ARID5B: variants seen among roughly 807,000 people sequenced by gnomAD.
ARID5B encodes the protein AT-rich interaction domain 5B.
A neutral mutation model predicts 97.2 loss-of-function variants in ARID5B; 13 were observed. The ratio of observed to expected loss-of-function variants is 0.13; its 90% CI spans 0.09 to 0.21. The LOEUF (loss-of-function observed/expected upper bound fraction) is 0.21, where lower values mean the gene tolerates loss of function less well. ARID5B is among the 10% of genes least tolerant of loss of function. The probability of loss-of-function intolerance (pLI) is 1.00; values close to 1 mark genes in which losing one functional copy is unlikely to be tolerated. For synonymous variants in ARID5B, 556 were observed against 570.3 expected, an observed-to-expected ratio of 0.97 and a Z score of 0.36; for missense variants, 1,210 against 1,465.3, an observed-to-expected ratio of 0.83 and a Z score of 2.84.
At position 61,932,172 on chromosome 10, in the gene ARID5B, C is replaced by G. The variant is rs533506716; in HGVS notation, c.277-8011C>G. 2.4e-3 allele frequency among the ~76,000 whole-genome samples: 362 copies of G among 152,192 alleles called. 2 individuals carry two copies. The highest frequency in any genetic ancestry group is 3.8e-3 in the Non-Finnish European group (257 of 68,014). Reference sequence around the variant, plus strand: ...GCGCGTATAAAAGTTACATTTACACCATACTGTAGTCTGCTAAATGTGCGT... The same window carrying G: ...GCGCGTATAAAAGTTACATTTACACGATACTGTAGTCTGCTAAATGTGCGT... On this transcript the variant is annotated intron_variant, in intron 2 of 9. Transcript: ENST00000279873.
intron 3 of ARID5B, among the ~76,000 whole-genome samples, chr10:61,973,450 A>T (rs965271695): frequency 1.3e-5 from 2 of 152,222 alleles, no homozygotes; most frequent in African/African-American, 4.8e-5. Flanking sequence ...GGAAACATTC[A>T]TTCCACTATT....
At chr10:62,042,521 C>T (rs927530864) in intron 4 of ARID5B, among the ~76,000 whole-genome samples, 3 of 152,128 alleles carry the variant, frequency 2.0e-5, no homozygotes, top group Non-Finnish European at 2.9e-5. Context: ...AGACCCTTTG[C>T]GTGCAGTATC....
chr10:61,967,270 T>C (rs1186970175), intron 3 of ARID5B, among the ~76,000 whole-genome samples: 2 of 152,202 alleles, frequency 1.3e-5, no homozygotes, highest in African/African-American at 2.4e-5. Flanking sequence ...TGTTACCATA[T>C]TTCTACTTTA....
intron 2 of ARID5B, among the ~76,000 whole-genome samples, chr10:61,908,471 T>G (rs1273141399): frequency 1.3e-5 from 2 of 151,768 alleles, no homozygotes; most frequent in Non-Finnish European, 2.9e-5. Flanking sequence ...AGATGTTGAT[T>G]GAAAACCTAC....
intron 3 of ARID5B, among the ~76,000 whole-genome samples, chr10:61,989,846 A>G (rs547762568): frequency 5.9e-5 from 9 of 152,296 alleles, no homozygotes; most frequent in African/African-American, 2.2e-4. Context: ...TCAAAAGGCT[A>G]TGGCTTGAGG....
At chr10:62,043,298 T>G (rs190910142) in intron 4 of ARID5B, among the ~76,000 whole-genome samples, 9 of 152,346 alleles carry the variant, frequency 5.9e-5, no homozygotes, top group Non-Finnish European at 1.0e-4. Context: ...ATTTTCCCCT[T>G]GTTTCTCAAG....
chr10:62,083,113 A>G (rs946611677), intron 8 of ARID5B, among the ~76,000 whole-genome samples: 4 of 152,006 alleles, frequency 2.6e-5, no homozygotes, highest in African/African-American at 9.7e-5. Flanking sequence ...GAAGCCTTGA[A>G]CAAGTAGGGC....
intron 2 of ARID5B, among the ~76,000 whole-genome samples, chr10:61,921,323 C>T (rs74535682): frequency 0.018 from 2,752 of 152,270 alleles, 69 homozygotes; most frequent in African/African-American, 0.063. Context: ...AAGGTGTCCT[C>T]CCCAGCTGTG....
chr10:62,080,065 A>C (rs1052446962), intron 8 of ARID5B, among the ~76,000 whole-genome samples: 4 of 152,022 alleles, frequency 2.6e-5, no homozygotes, highest in Non-Finnish European at 5.9e-5. Context: ...TCTGTGTTGC[A>C]CTCTGCCGCC....
rs545463332 is a variant in ARID5B, at chr10:61,993,339, A to G, written c.503-6752A>G. On this transcript the variant is annotated intron_variant, in intron 3 of 9. Transcript: ENST00000279873. ...CACGAATTGATAAAGTTGATGTACAACTTTGGAATTTTAAACACTTTCAAC... is the reference window on the plus strand; with the variant it reads ...CACGAATTGATAAAGTTGATGTACAGCTTTGGAATTTTAAACACTTTCAAC... 7.1e-4 allele frequency among the ~76,000 whole-genome samples: 108 copies of G among 152,348 alleles called. 1 individual carries two copies. Among genetic ancestry groups the G allele is most frequent in the Admixed American group, 2.2e-3 (33 of 15,304 alleles).
chr10:62,092,642 G>A lies in ARID5B; in HGVS notation c.3179G>A (p.Gly1060Glu), dbSNP rs760529598. 3 of 1,613,986 alleles carry A rather than the reference G, an allele frequency of 1.9e-6. No homozygotes were observed. Among genetic ancestry groups the A allele is most frequent in the African/African-American group, 1.3e-5 (1 of 74,904 alleles). The change falls in exon 10 of 10, where the codon GGG (glycine) becomes GAG (glutamate). Residue 1060 changes from glycine (G) to glutamate (E), a missense_variant. Physicochemically the swap from Gly to Glu is moderately conservative, Grantham distance 98. This residue lies in a region of ARID5B where 800 missense variants were observed against 839.1 expected (regional missense o/e 0.95). Coordinates refer to ENST00000279873, the MANE Select transcript of ARID5B (RefSeq NM_032199.3). ...ESEGSKAAHG[G>E]HSGGGSEGHK... Reference sequence around the variant, plus strand: ...GAAGGCAGCAAAGCAGCGCACGGTGGGCATTCCGGGGGCGGATCAGAAGGC... The same window carrying A: ...GAAGGCAGCAAAGCAGCGCACGGTGAGCATTCCGGGGGCGGATCAGAAGGC...
At chr10:62,075,786 G>A (rs1042981704) in intron 8 of ARID5B, among the ~76,000 whole-genome samples, 2 of 152,180 alleles carry the variant, frequency 1.3e-5, no homozygotes, top group Non-Finnish European at 2.9e-5. Context: ...CTCAGGATGC[G>A]GGCAGTGTCA....
chr10:61,945,999 T>G (rs1002413660), intron 3 of ARID5B, among the ~76,000 whole-genome samples: 2 of 148,288 alleles, frequency 1.3e-5, no homozygotes. Context: ...GACTATTATT[T>G]TAATATATAT....
Position 62,057,177 on chromosome 10 carries a change from G to C in ARID5B, c.907G>C (p.Val303Leu), listed in dbSNP as rs1564638940. The C allele has an allele frequency of 4.3e-6, 7 of 1,613,378 alleles. No individual in the cohort carries two copies. Among genetic ancestry groups the C allele is most frequent in the Non-Finnish European group, 5.1e-6 (6 of 1,179,582 alleles). ...GAAGAATAACCATAACTGTAAAAAA[G>C]TCTCAAATGAAGAAAAACCAAAGGT... ...KPKNNHNCKK[V>L]SNEEKPKVAI... The change falls in exon 6 of 10, where the codon GTC becomes CTC. Residue 303 changes from valine to leucine, a missense_variant. This residue lies in a region of ARID5B where 132 missense variants were observed against 156.7 expected (regional missense o/e 0.84). Transcript: ENST00000279873.
At chr10:62,032,297 AG>A (rs1362329780) in intron 4 of ARID5B, among the ~76,000 whole-genome samples, 1 of 152,182 alleles carries the variant, frequency 6.6e-6, no homozygotes, top group African/African-American at 2.4e-5. Context: ...CTCCAGCCTC[AG>A]CAATAAAGTG....
intron 3 of ARID5B, among the ~76,000 whole-genome samples, chr10:61,985,064 G>C (rs1414742867): frequency 6.6e-6 from 1 of 151,946 alleles, no homozygotes; most frequent in African/African-American, 2.4e-5. Flanking sequence ...AGATTAATGA[G>C]TCATGGTATT....
At chr10:61,902,437 C>A (rs200792746) in intron 2 of ARID5B, 24 bp downstream of exon 2, 152 of 1,607,324 alleles carry the variant, frequency 9.5e-5, no homozygotes, top group African/African-American at 8.1e-4. Flanking sequence ...CTGTCCCCCT[C>A]TTCTTTCTTT....
intron 1 of ARID5B, 35 bp downstream of exon 1, chr10:61,901,765 A>AC (rs771080622): frequency 7.2e-5 from 113 of 1,578,432 alleles, no homozygotes; most frequent in Non-Finnish European, 9.1e-5. Flanking sequence ...CGATCCCGGC[A>AC]CCCCCCGGCA....
At chr10:62,033,715 C>A (rs1839525974) in intron 4 of ARID5B, among the ~76,000 whole-genome samples, 1 of 152,126 alleles carries the variant, frequency 6.6e-6, no homozygotes, top group African/African-American at 2.4e-5. Flanking sequence ...TGGTATTCAC[C>A]ATTTATTAGT....
Sources: gnomAD v4.1 joint callset for allele counts (sites outside exome capture counted in the v4.1 genomes callset) on GRCh38, gnomAD v4.1.1 for gene constraint, gnomAD v4.1.1 regional missense constraint, MANE v1.5 for transcripts, NCBI Gene and HGNC (gene_info 2026-07-23, HGNC 2026-07-21) for gene names.